Variants in DNAH11 observed in about 807,000 individuals in gnomAD.
The protein encoded by DNAH11 is dynein axonemal heavy chain 11.
A neutral mutation model predicts 526.0 loss-of-function variants in DNAH11; 442 were observed. The ratio of observed to expected loss-of-function variants is 0.84; its 90% CI spans 0.78 to 0.91. The LOEUF (loss-of-function observed/expected upper bound fraction) is 0.91, where lower values mean the gene tolerates loss of function less well. DNAH11 is among the 40% of genes least tolerant of loss of function. The pLI is 0.00. For synonymous variants in DNAH11, 2,461 were observed against 1,935.9 expected (o/e 1.27, Z -7.12); for missense variants, 6,989 against 5,448.7 (o/e 1.28, Z -8.90).
chr7:21,593,531 T>C (rs1784764396), intron 14 of DNAH11, among the ~76,000 whole-genome samples: 1 of 151,218 alleles, frequency 6.6e-6, no homozygotes, highest in Admixed American at 6.6e-5. Context: ...TGCAGTAATC[T>C]AGGAAGGAGA....
intron 75 of DNAH11, among the ~76,000 whole-genome samples, chr7:21,883,590 G>A (rs1264385978): frequency 6.6e-6 from 1 of 152,136 alleles, no homozygotes; most frequent in Non-Finnish European, 1.5e-5. Context: ...TTCTTTTCCT[G>A]AATCAGATAA....
Position 21,561,127 on chromosome 7 carries a change from C to T in DNAH11, c.939C>T (p.Ser313=), listed in dbSNP as rs72655977. 7.6e-3 allele frequency: 12,165 copies of T among 1,604,034 alleles called. 69 individuals are homozygous for T. The highest frequency in any genetic ancestry group is 9.3e-3 in the Non-Finnish European group (10,911 of 1,174,948). The change falls in exon 5 of 82, where the codon AGC becomes AGT. Residue 313 remains serine, a synonymous_variant. Transcript: ENST00000409508. ...MVKILTTKQS[S]YFPTLKDIFL... ...AGATCCTGACAACTAAACAAAGCAGCTATTTTCCTACTCTGAAGGACATTT... is the reference window on the plus strand; with the variant it reads ...AGATCCTGACAACTAAACAAAGCAGTTATTTTCCTACTCTGAAGGACATTT...
chr7:21,686,277 G>A (rs1474627047), intron 32 of DNAH11, among the ~76,000 whole-genome samples: 1 of 152,144 alleles, frequency 6.6e-6, no homozygotes, highest in Non-Finnish European at 1.5e-5. Flanking sequence ...TTTAAGATTA[G>A]CATCTGATCA....
chr7:21,554,791 C>T (rs928783106), intron 2 of DNAH11, among the ~76,000 whole-genome samples: 1 of 152,176 alleles, frequency 6.6e-6, no homozygotes, highest in Admixed American at 6.5e-5. Flanking sequence ...CTCTCCCTGT[C>T]TATGGGAGCT....
chr7:21,583,533 C>T (rs190713502), intron 9 of DNAH11, among the ~76,000 whole-genome samples: 1 of 152,292 alleles, frequency 6.6e-6, no homozygotes, highest in East Asian at 1.9e-4. Context: ...GCAAAGACTT[C>T]ATGACTAAAA....
At chr7:21,884,514 G>A (rs76549028) in intron 76 of DNAH11, 104 bp downstream of exon 76, 9 of 1,231,802 alleles carry the variant, frequency 7.3e-6, no homozygotes, top group African/African-American at 1.5e-5. Context: ...TAATGTTATT[G>A]AGGATGCTTG....
At chr7:21,745,673 C>T (rs1407854291) in intron 51 of DNAH11, among the ~76,000 whole-genome samples, 4 of 152,078 alleles carry the variant, frequency 2.6e-5, no homozygotes, top group Non-Finnish European at 4.4e-5. Context: ...ATGTTAGCGA[C>T]GAAAATGGAC....
chr7:21,869,951 G>A (rs1306498905), intron 73 of DNAH11, among the ~76,000 whole-genome samples: 1 of 152,162 alleles, frequency 6.6e-6, no homozygotes, highest in Non-Finnish European at 1.5e-5. Context: ...TCCATCCACA[G>A]CAAGCTCTGC....
At chr7:21,800,914 G>A (rs1788957876) in intron 61 of DNAH11, among the ~76,000 whole-genome samples, 1 of 147,984 alleles carries the variant, frequency 6.8e-6, no homozygotes, top group Admixed American at 6.6e-5. Flanking sequence ...CAGAAGGGGA[G>A]AGAAGACCAC....
intron 55 of DNAH11, among the ~76,000 whole-genome samples, chr7:21,769,948 C>T (rs1296777164): frequency 1.3e-5 from 2 of 151,966 alleles, no homozygotes; most frequent in Non-Finnish European, 1.5e-5. Flanking sequence ...TAGTTGAGCT[C>T]CAGAATTAAA....
At chr7:21,789,185 T>G (rs997638475) in intron 60 of DNAH11, 56 bp from the exon 61 acceptor site, 2 of 1,246,202 alleles carry the variant, frequency 1.6e-6, no homozygotes, top group African/African-American at 3.0e-5. Context: ...CCATCCTATC[T>G]GGGATTGAAT....
chr7:21,821,913 A>G (rs757813569), intron 65 of DNAH11, among the ~76,000 whole-genome samples: 3 of 151,946 alleles, frequency 2.0e-5, no homozygotes, highest in Non-Finnish European at 2.9e-5. Flanking sequence ...CTTTGCCTCC[A>G]TGAGACCCGA....
chr7:21,826,851 C>T (rs1316432562), intron 65 of DNAH11, among the ~76,000 whole-genome samples: 1 of 152,106 alleles, frequency 6.6e-6, no homozygotes, highest in East Asian at 1.9e-4. Flanking sequence ...TTTGTTTATT[C>T]TAGTTCTATT....
intron 79 of DNAH11, among the ~76,000 whole-genome samples, chr7:21,897,967 T>G (rs1443523366): frequency 2.0e-5 from 3 of 152,222 alleles, no homozygotes; most frequent in African/African-American, 7.2e-5. Context: ...TACCTCTTTA[T>G]TTCCATTTGT....
intron 34 of DNAH11, among the ~76,000 whole-genome samples, chr7:21,690,133 G>A (rs532958016): frequency 1.3e-5 from 2 of 152,148 alleles, no homozygotes; most frequent in Admixed American, 1.3e-4. Flanking sequence ...TTAAATCCTT[G>A]CAGAATCCAA....
At chr7:21,761,394 T>C (rs758069945) in intron 54 of DNAH11, among the ~76,000 whole-genome samples, 10 of 151,760 alleles carry the variant, frequency 6.6e-5, no homozygotes, top group Non-Finnish European at 1.3e-4. Context: ...CATGTAATTA[T>C]TTATTTAAAA....
chr7:21,801,189 C>T lies in DNAH11; in HGVS notation c.10079C>T (p.Ala3360Val). The change falls in exon 62 of 82, where the codon GCT becomes GTT. Residue 3360 changes from alanine (A) to valine (V), a missense_variant. By Grantham distance (64) the Ala-to-Val change is moderately conservative. Coordinates refer to ENST00000409508, the MANE Select transcript of DNAH11 (RefSeq NM_001277115.2). ...RLTASFEKAT[A>V]EKVRCQEEVN... ...ACGGCTTCATTTGAAAAAGCAACAG[C>T]TGAGAAAGTCCGGTGTCAAGAAGAG... is the stretch of plus-strand genomic sequence containing the variant. 2.5e-6 allele frequency: 4 copies of T among 1,613,072 alleles called. No homozygotes were observed. The African/African-American group carries it at 5.3e-5, about 22-fold the overall frequency.
intron 62 of DNAH11, among the ~76,000 whole-genome samples, chr7:21,806,764 T>C (rs1249297427): frequency 6.6e-6 from 1 of 152,234 alleles, no homozygotes; most frequent in Non-Finnish European, 1.5e-5. Context: ...TGAACTACCC[T>C]GCAGTTCAGT....
At chr7:21,632,456 A>C (rs888123981) in intron 25 of DNAH11, among the ~76,000 whole-genome samples, 2 of 152,152 alleles carry the variant, frequency 1.3e-5, no homozygotes, top group Non-Finnish European at 2.9e-5. Flanking sequence ...TGCTTCCCTT[A>C]TAAAACTGAA....
Sources: allele counts gnomAD v4.1 joint callset (sites outside exome capture counted in the v4.1 genomes callset), GRCh38; gene constraint gnomAD v4.1.1; transcripts MANE v1.5; gene names NCBI Gene and HGNC (gene_info 2026-07-23, HGNC 2026-07-21).